FCRL6: variants seen among roughly 807,000 people sequenced by gnomAD.
FCRL6 encodes Fc receptor-like protein 6.
Under a neutral mutation model 49.1 loss-of-function variants are expected in FCRL6, and 50 were observed. That is an observed-to-expected ratio of 1.02 (90% confidence interval 0.81 to 1.29). The LOEUF is 1.29. Among genes scored for constraint, FCRL6 ranks in the 50% most tolerant of loss-of-function variants. The probability of loss-of-function intolerance (pLI) is 0.00; values close to 1 mark genes in which losing one functional copy is unlikely to be tolerated. For synonymous variants in FCRL6, 213 were observed against 199.6 expected (o/e 1.07, Z -0.57); for missense variants, 571 against 518.5 (o/e 1.10, Z -0.98).
chr1:159,807,959 G>T (rs766044199), intron 2 of FCRL6, among the ~76,000 whole-genome samples: 1 of 151,978 alleles, frequency 6.6e-6, no homozygotes, highest in Non-Finnish European at 1.5e-5. Context: ...AAGAGAAAGA[G>T]GGAAGAGGAA....
At chr1:159,806,417 G>T (rs913288636) in intron 1 of FCRL6, among the ~76,000 whole-genome samples, 179 bp from the exon 2 acceptor site, 1 of 151,954 alleles carries the variant, frequency 6.6e-6, no homozygotes, top group Non-Finnish European at 1.5e-5. Flanking sequence ...GGGTTGTTTG[G>T]TGGTTGAGTG....
Position 159,806,608 on chromosome 1 carries a change from G to A in FCRL6, c.44G>A (p.Gly15Glu), listed in dbSNP as rs772715372. 108 of 1,613,724 alleles carry A rather than the reference G, an allele frequency of 6.7e-5. No individual in the cohort carries two copies. Among genetic ancestry groups the A allele is most frequent in the Non-Finnish European group, 8.9e-5 (105 of 1,179,704 alleles). ...TAVLLFVPCVGKTVWLYLQAW... is the reference protein window; with the variant it reads ...TAVLLFVPCVEKTVWLYLQAW... ...TGTTCTCTTGCAGTTCCCTGTGTTG[G>A]GAAAACTGGTAAGTTGTGTCCATGT... Residue 15 changes from glycine to glutamate, a missense_variant, in exon 2 of 10, where the codon GGG becomes GAG. Transcript: ENST00000368106.
intron 8 of FCRL6, among the ~76,000 whole-genome samples, chr1:159,815,065 T>C (rs985687006): frequency 6.6e-6 from 1 of 152,216 alleles, no homozygotes; most frequent in African/African-American, 2.4e-5. Flanking sequence ...GGAGTTTTGT[T>C]GTTGCTGTCG....
chr1:159,808,082 C>T, intron 2 of FCRL6, 96 bp from the exon 3 acceptor site: 1 of 1,408,034 alleles, frequency 7.1e-7, no homozygotes, highest in Admixed American at 2.0e-5. Flanking sequence ...CAAGGGCCTC[C>T]ATCCCCAGCA....
chr1:159,812,258 C>T (rs147571808), intron 6 of FCRL6, among the ~76,000 whole-genome samples: 16 of 152,280 alleles, frequency 1.1e-4, no homozygotes, highest in African/African-American at 2.9e-4. Flanking sequence ...TCCTTAGCTA[C>T]GCAGGAAAAA....
In FCRL6 at chr1:159,809,636, A is replaced by G. The variant is rs143179337; in HGVS notation, c.839A>G (p.Asn280Ser). 4.4e-4 allele frequency: 718 copies of G among 1,614,020 alleles called. No individual in the cohort carries two copies. The highest frequency in any genetic ancestry group is 5.6e-4 in the Non-Finnish European group (657 of 1,180,018). Residue 280 changes from asparagine (N) to serine (S), a missense_variant, in exon 5 of 10, where the codon AAC becomes AGC. By Grantham distance (46) the Asn-to-Ser change is conservative (BLOSUM62 1). Transcript: ENST00000368106. The stretch of plus-strand genomic sequence containing the variant: ...GGGAACTACTCCTGCGAGGCTGAGA[A>G]CAGTGTCTCCAGAGAGAGGAGTGAG... ...DAGNYSCEAE[N>S]SVSRERSEPK...
chr1:159,808,669 G>T (rs1167736913), intron 3 of FCRL6: 4 of 628,052 alleles, frequency 6.4e-6, no homozygotes, highest in Admixed American at 5.8e-5. Context: ...TCTTGGGAAG[G>T]GGGCACTGGG....
chr1:159,804,815 G>T (rs1166700694), intron 1 of FCRL6, among the ~76,000 whole-genome samples: 1 of 152,162 alleles, frequency 6.6e-6, no homozygotes, highest in Admixed American at 6.5e-5. Context: ...CTGCACAATT[G>T]TTTTCCAGTG....
At chr1:159,803,954 T>C (rs1571086745) in intron 1 of FCRL6, among the ~76,000 whole-genome samples, 1 of 152,202 alleles carries the variant, frequency 6.6e-6, no homozygotes, top group African/African-American at 2.4e-5. Flanking sequence ...GCTATTACTA[T>C]TATTGGCTGT....
At chr1:159,811,278 T>C (rs561700991) in intron 6 of FCRL6, among the ~76,000 whole-genome samples, 1 of 152,338 alleles carries the variant, frequency 6.6e-6, no homozygotes, top group South Asian at 2.1e-4. Context: ...GCCAAAGCTA[T>C]GATTCCTAGT....
intron 6 of FCRL6, 54 bp from the exon 7 acceptor site, chr1:159,813,435 G>A (rs78228389): frequency 0.031 from 46,126 of 1,501,310 alleles, 784 homozygotes; most frequent in East Asian, 0.036. Context: ...CCTGTCCCCT[G>A]TCCCACCTGC....
chr1:159,811,973 GC>G (rs1004893658), intron 6 of FCRL6, among the ~76,000 whole-genome samples: 2 of 152,160 alleles, frequency 1.3e-5, no homozygotes, highest in African/African-American at 4.8e-5. Context: ...TCCCTCCCCA[GC>G]CCCAGACGAG....
chr1:159,807,668 C>T (rs955543912), intron 2 of FCRL6, among the ~76,000 whole-genome samples: 1 of 152,168 alleles, frequency 6.6e-6, no homozygotes, highest in Non-Finnish European at 1.5e-5. Context: ...ACATGCCCCA[C>T]CAGCTGCTTT....
Position 159,814,227 on chromosome 1 carries a change from A to G in FCRL6, c.1082A>G (p.His361Arg). The change falls in exon 8 of 10, where the codon CAC becomes CGC. Residue 361 changes from histidine (H) to arginine (R), a missense_variant. By Grantham distance (29) the His-to-Arg change is conservative (BLOSUM62 0). Coordinates refer to ENST00000368106, the MANE Select transcript of FCRL6 (RefSeq NM_001004310.3). ...EQCPLYANVH[H>R]QKGKDEGVVY... is the part of the protein sequence containing the mutation. The stretch of plus-strand genomic sequence containing the variant: ...GCCTCATTCCTTCTTCCAGTGCATC[A>G]CCAGAAAGGGAAAGATGAAGGTGTT... 6.2e-7 allele frequency: 1 copy of G among 1,614,006 alleles called. No individual in the cohort carries two copies. Among genetic ancestry groups the G allele is most frequent in the Non-Finnish European group, 8.5e-7 (1 of 1,179,898 alleles).
intron 1 of FCRL6, among the ~76,000 whole-genome samples, chr1:159,804,959 A>G (rs1158752687): frequency 6.6e-6 from 1 of 152,186 alleles, no homozygotes; most frequent in African/African-American, 2.4e-5. Flanking sequence ...TCACAACTAC[A>G]CTGTAAGAAA....
At chr1:159,803,628 C>T (rs995036903) in intron 1 of FCRL6, among the ~76,000 whole-genome samples, 3 of 152,160 alleles carry the variant, frequency 2.0e-5, no homozygotes, top group African/African-American at 4.8e-5. Flanking sequence ...ATGGCACTAC[C>T]GGCACTACCT....
chr1:159,809,946 G>A (rs1315311509), intron 5 of FCRL6, 148 bp from the exon 6 acceptor site: 14 of 1,022,874 alleles, frequency 1.4e-5, no homozygotes, highest in Non-Finnish European at 2.0e-5. Context: ...GCCATCCCCT[G>A]AGCCATCCTT....
chr1:159,806,517 A>G, intron 1 of FCRL6, 79 bp from the exon 2 acceptor site: 4 of 1,308,220 alleles, frequency 3.1e-6, no homozygotes, highest in East Asian at 2.3e-5. Context: ...GTAAGTCCCC[A>G]TTGCTGAAGT....
intron 3 of FCRL6, 92 bp downstream of exon 3, chr1:159,808,536 T>G: frequency 6.7e-7 from 1 of 1,491,644 alleles, no homozygotes; most frequent in Non-Finnish European, 9.3e-7. Context: ...TGGACCCCTG[T>G]CTCTGGCTGC....
Sources: gnomAD v4.1 joint callset for allele counts (sites outside exome capture counted in the v4.1 genomes callset) on GRCh38, gnomAD v4.1.1 for gene constraint, MANE v1.5 for transcripts, NCBI Gene and HGNC (gene_info 2026-07-23, HGNC 2026-07-21) for gene names.